Variants in CACNB2 observed in about 807,000 individuals in gnomAD.
CACNB2 encodes the protein calcium voltage-gated channel auxiliary subunit beta 2.
Under a neutral mutation model 73.3 loss-of-function variants are expected in CACNB2, and 42 were observed. The ratio of observed to expected loss-of-function variants is 0.57; its 90% CI spans 0.45 to 0.74. CACNB2 has a LOEUF of 0.74. CACNB2 is among the 30% of genes least tolerant of loss of function. The pLI is 0.00. For missense variants in CACNB2, 940 were observed against 853.0 expected (o/e 1.10, Z -1.27); for synonymous variants, 348 against 310.3 (o/e 1.12, Z -1.28).
chr10:18,199,409 G>A (rs1016337296), intron 2 of CACNB2, among the ~76,000 whole-genome samples: 7 of 152,148 alleles, frequency 4.6e-5, no homozygotes, highest in African/African-American at 1.7e-4. Flanking sequence ...TGAAGGTAGG[G>A]TGACCAGAGA....
chr10:18,368,007 G>A (rs1278746884), intron 2 of CACNB2, among the ~76,000 whole-genome samples: 3 of 152,090 alleles, frequency 2.0e-5, no homozygotes, highest in Non-Finnish European at 4.4e-5. Context: ...CCCTTTTTAG[G>A]TGCGTTTGGG....
chr10:18,347,350 T>TTTC (rs2132111424), intron 2 of CACNB2, among the ~76,000 whole-genome samples: 1 of 19,494 alleles, frequency 5.1e-5, no homozygotes, highest in East Asian at 3.0e-4. Context: ...TCTAATTTTT[T>TTTC]TTTTTTTTTT....
At chr10:18,369,699 G>A (rs1435037970) in intron 2 of CACNB2, among the ~76,000 whole-genome samples, 5 of 152,110 alleles carry the variant, frequency 3.3e-5, no homozygotes, top group Non-Finnish European at 5.9e-5. Context: ...CTGAGATCAG[G>A]AGTTCAAGAC....
chr10:18,178,456 A>G lies in CACNB2; in HGVS notation c.213+27481A>G, dbSNP rs993451517. On this transcript the variant is annotated intron_variant, in intron 2 of 13. Coordinates refer to ENST00000324631, the MANE Select transcript of CACNB2 (RefSeq NM_201596.3). ...AAATACATGGTAAATACTGAAAATCATACAGAGATTAATCAGATAGAGGTC... is the reference window on the plus strand; with the variant it reads ...AAATACATGGTAAATACTGAAAATCGTACAGAGATTAATCAGATAGAGGTC... Among the ~76,000 whole-genome samples the G allele has an allele frequency of 2.0e-5, 3 of 152,358 alleles. No individual in the cohort carries two copies. The East Asian group carries it at 5.8e-4, about 29-fold the overall frequency.
At chr10:18,482,731 C>G (rs1374732279) in intron 3 of CACNB2, among the ~76,000 whole-genome samples, 1 of 152,030 alleles carries the variant, frequency 6.6e-6, no homozygotes, top group Admixed American at 6.6e-5. Flanking sequence ...AGGCTGGTCT[C>G]GAACTCCTTA....
At chr10:18,280,804 T>A (rs1486728150) in intron 2 of CACNB2, among the ~76,000 whole-genome samples, 1 of 152,226 alleles carries the variant, frequency 6.6e-6, no homozygotes, top group Non-Finnish European at 1.5e-5. Flanking sequence ...TCTCTTTATG[T>A]ATTGATGTAT....
At chr10:18,163,067 G>A (rs1302249112) in intron 2 of CACNB2, among the ~76,000 whole-genome samples, 2 of 152,146 alleles carry the variant, frequency 1.3e-5, no homozygotes, top group Non-Finnish European at 2.9e-5. Context: ...CAGTGTGCCG[G>A]AGGGGATGAA....
chr10:18,354,024 A>T (rs553072121), intron 2 of CACNB2, among the ~76,000 whole-genome samples: 3 of 152,222 alleles, frequency 2.0e-5, no homozygotes, highest in Non-Finnish European at 2.9e-5. Context: ...TAGTATTTAA[A>T]TGGAATGTAT....
At chr10:18,261,290 G>A (rs967567029) in intron 2 of CACNB2, 2 of 1,551,526 alleles carry the variant, frequency 1.3e-6, no homozygotes, top group Admixed American at 2.0e-5. Context: ...GCGGGCTGGT[G>A]CATCGCCGGC....
At chr10:18,276,241 TAAG>T (rs1229924503) in intron 2 of CACNB2, among the ~76,000 whole-genome samples, 1 of 152,156 alleles carries the variant, frequency 6.6e-6, no homozygotes, top group Non-Finnish European at 1.5e-5. Context: ...TAAGCAACGT[TAAG>T]AAGTGGATGA....
rs1047854690 is a variant in CACNB2 at position 18,472,141 on chromosome 10, T to A, written c.334-26214T>A. On this transcript the variant is annotated intron_variant, in intron 3 of 13. Coordinates refer to ENST00000324631, the MANE Select transcript of CACNB2 (RefSeq NM_201596.3). ...CCGGCTTTGCTTTCTTTTCTGCTTG[T>A]CTTGAGCCCCATGGTTGACTAGCTG... Among the ~76,000 whole-genome samples, 4 of 151,958 alleles carry A rather than the reference T, an allele frequency of 2.6e-5. No individual in the cohort carries two copies. In the East Asian group the frequency reaches 7.7e-4, roughly 29 times the overall value.
intron 3 of CACNB2, among the ~76,000 whole-genome samples, chr10:18,406,333 A>G (rs2044286764): frequency 6.6e-6 from 1 of 152,214 alleles, no homozygotes; most frequent in Non-Finnish European, 1.5e-5. Flanking sequence ...TAGACCTCAC[A>G]GCAGGGGTTC....
At chr10:18,287,190 A>G (rs781589208) in intron 2 of CACNB2, among the ~76,000 whole-genome samples, 9 of 151,996 alleles carry the variant, frequency 5.9e-5, no homozygotes, top group South Asian at 4.2e-4. Context: ...TTAACCAGGC[A>G]TGGTGGCTTG....
intron 2 of CACNB2, among the ~76,000 whole-genome samples, chr10:18,167,809 C>T (rs1360881172): frequency 6.6e-6 from 1 of 152,146 alleles, no homozygotes; most frequent in Non-Finnish European, 1.5e-5. Context: ...CCAGAACATT[C>T]TCCAGGTAAG....
chr10:18,519,080 G>T, intron 9 of CACNB2, 112 bp downstream of exon 9: 1 of 859,684 alleles, frequency 1.2e-6, no homozygotes, highest in South Asian at 1.3e-5. Flanking sequence ...TCTATATGAT[G>T]ACAGGAAACA....
intron 2 of CACNB2, among the ~76,000 whole-genome samples, chr10:18,274,372 T>C (rs191511925): frequency 6.6e-6 from 1 of 152,318 alleles, no homozygotes; most frequent in Admixed American, 6.5e-5. Flanking sequence ...AAAAAGTGAC[T>C]TAAGGTTGTG....
chr10:18,463,162 A>G (rs762848818), intron 3 of CACNB2, among the ~76,000 whole-genome samples: 11 of 152,158 alleles, frequency 7.2e-5, no homozygotes, highest in Non-Finnish European at 1.6e-4. Flanking sequence ...ACCTGCCTTT[A>G]TCTGTGCCCC....
At chr10:18,228,398 A>G (rs931142907) in intron 2 of CACNB2, among the ~76,000 whole-genome samples, 2 of 138,404 alleles carry the variant, frequency 1.4e-5, no homozygotes, top group Admixed American at 7.6e-5. Context: ...GCGACATTGC[A>G]CTCCAGCCTG....
At chr10:18,452,648 C>T (rs1163522721) in intron 3 of CACNB2, among the ~76,000 whole-genome samples, 7 of 152,118 alleles carry the variant, frequency 4.6e-5, no homozygotes, top group Non-Finnish European at 8.8e-5. Context: ...GTGCTCAAGC[C>T]ATCCTCCCAC....
Sources: gnomAD v4.1 joint callset for allele counts (sites outside exome capture counted in the v4.1 genomes callset) on GRCh38, gnomAD v4.1.1 for gene constraint, MANE v1.5 for transcripts, NCBI Gene and HGNC (gene_info 2026-07-23, HGNC 2026-07-21) for gene names.